The following SAMD3 variants were observed in gnomAD, a reference collection of about 807,000 sequenced individuals.
SAMD3 encodes the protein sterile alpha motif domain-containing protein 3.
Under a neutral mutation model 58.5 loss-of-function variants are expected in SAMD3, and 63 were observed. The ratio of observed to expected loss-of-function variants is 1.08; its 90% CI spans 0.88 to 1.33. The LOEUF (loss-of-function observed/expected upper bound fraction) is 1.33. Ranked by LOEUF, SAMD3 falls within the 40% of genes most tolerant of loss-of-function variation. The pLI is 0.00. For missense variants in SAMD3, 604 were observed against 608.4 expected, an observed-to-expected ratio of 0.99 and a Z score of 0.08; for synonymous variants, 220 against 210.3, an observed-to-expected ratio of 1.05 and a Z score of -0.40.
chr6:130,225,239 C>G (rs116765938), upstream of SAMD3, among the ~76,000 whole-genome samples: 6,586 of 152,252 alleles, frequency 0.043, 461 homozygotes, highest in African/African-American at 0.15. Context: ...CAAGTATTGC[C>G]AAGGAAGAAG....
chr6:130,233,824 C>A (rs943080987), intron 2 of SAMD3, among the ~76,000 whole-genome samples: 7 of 152,104 alleles, frequency 4.6e-5, no homozygotes, highest in African/African-American at 1.4e-4. Flanking sequence ...AAACTAGTTG[C>A]TTTTGCAATT....
At chr6:130,220,007 T>C (rs1270183532) in intron 1 of SAMD3, among the ~76,000 whole-genome samples, 1 of 152,208 alleles carries the variant, frequency 6.6e-6, no homozygotes, top group Admixed American at 6.5e-5. Flanking sequence ...TTTTTTTCTT[T>C]TTCTATTTTT....
chr6:130,355,284 C>T (rs1172471371), intron 1 of SAMD3, among the ~76,000 whole-genome samples: 1 of 152,102 alleles, frequency 6.6e-6, no homozygotes, highest in Non-Finnish European at 1.5e-5. Flanking sequence ...ATTAGCCGAG[C>T]ATGGTAGCAT....
downstream of SAMD3, chr6:130,143,208 C>T (rs1168195204): frequency 6.6e-6 from 1 of 152,118 alleles, no homozygotes; most frequent in African/African-American, 2.4e-5. Context: ...TAGTGTAAAA[C>T]TATTTCTTCA....
chr6:130,245,918 G>A (rs1562478604), intron 2 of SAMD3, among the ~76,000 whole-genome samples: 1 of 152,098 alleles, frequency 6.6e-6, no homozygotes, highest in Non-Finnish European at 1.5e-5. Flanking sequence ...GAAGGTAGGA[G>A]GATGGGAAAG....
rs1324118212 is a variant in SAMD3 at position 130,144,720 on chromosome 6, T to C, written c.1363A>G (p.Arg455Gly). 1.2e-6 allele frequency: 2 copies of C among 1,613,912 alleles called. No homozygotes were observed. The highest frequency in any genetic ancestry group is 1.7e-6 in the Non-Finnish European group (2 of 1,179,978). The change falls in exon 12 of 12, where the codon AGG (arginine) becomes GGG (glycine). Residue 455 changes from arginine (R) to glycine (G), a missense_variant. Physicochemically the swap from Arg to Gly is moderately radical, Grantham distance 125. Transcript: ENST00000439090. Reference protein sequence around the residue: ...CEFSLYLERERLTKVDDCVTA... With the variant: ...CEFSLYLEREGLTKVDDCVTA... ...ACACAGTCGTCCACCTTTGTGAGCC[T>C]CTCCCTTTCTAAATATAAAGAAAAT... is the stretch of plus-strand genomic sequence containing the variant.
intron 1 of SAMD3, among the ~76,000 whole-genome samples, chr6:130,335,243 A>G (rs1038585381): frequency 3.3e-5 from 5 of 152,202 alleles, no homozygotes; most frequent in South Asian, 2.1e-4. Flanking sequence ...CCAAAACCAG[A>G]AAACAATGTG....
rs1023135860 is a variant in SAMD3, at chr6:130,333,041, A to G, written c.-303-19948T>C. 1.3e-3 allele frequency among the ~76,000 whole-genome samples: 136 copies of G among 104,254 alleles called. 1 individual carries two copies. Among genetic ancestry groups the G allele is most frequent in the African/African-American group, 5.0e-3 (128 of 25,544 alleles). 68.4% of individuals were successfully genotyped at this position (104,254 alleles called of 152,430 possible). A position where few individuals can be genotyped will look rare whatever the true frequency, so the allele number is the denominator to read the frequency against. On this transcript the variant is annotated intron_variant, in intron 1 of 13. Coordinates refer to the SAMD3 transcript ENST00000368134. ...GTTCAAGACAGGGCCACAGTTGAGT[A>G]TGCGTGTGTGTGTGTGTGTGTGTGT...
chr6:130,304,916 C>CCTTT (rs1562510489), intron 2 of SAMD3, among the ~76,000 whole-genome samples: 2 of 138,722 alleles, frequency 1.4e-5, no homozygotes, highest in African/African-American at 5.3e-5. Context: ...ACTAAAATTA[C>CCTTT]ATTTTCTTCC....
rs1795847155 is a variant in SAMD3, at chr6:130,214,378, G to C, written c.228C>G (p.Pro76=). 1.2e-6 allele frequency: 2 copies of C among 1,608,522 alleles called. No individual in the cohort carries two copies. The highest frequency in any genetic ancestry group is 1.7e-6 in the Non-Finnish European group (2 of 1,177,520). Residue 76 remains proline (P), a synonymous_variant, in exon 4 of 12, where the codon CCC becomes CCG. Transcript: ENST00000439090. ...NTQGLKSPEN[P]KKAALVMQTE... ...TTTGCATGACCAGGGCTGCCTTTTTGGGGTTTTCTGGGGACTTCAGTCCTT... is the reference window on the plus strand; with the variant it reads ...TTTGCATGACCAGGGCTGCCTTTTTCGGGTTTTCTGGGGACTTCAGTCCTT...
chr6:130,312,218 G>A (rs1024562660), intron 2 of SAMD3, among the ~76,000 whole-genome samples: 4 of 152,322 alleles, frequency 2.6e-5, no homozygotes, highest in Middle Eastern at 3.4e-3. Context: ...TTGAGACTTC[G>A]TTTTGTGACT....
chr6:130,299,093 G>T (rs1294233209), intron 2 of SAMD3, among the ~76,000 whole-genome samples: 1 of 152,068 alleles, frequency 6.6e-6, no homozygotes, highest in African/African-American at 2.4e-5. Context: ...ACTTAAATTG[G>T]ACTCTTGACC....
chr6:130,314,922 C>G (rs1244794953), intron 1 of SAMD3, among the ~76,000 whole-genome samples: 2 of 152,144 alleles, frequency 1.3e-5, no homozygotes, highest in African/African-American at 4.8e-5. Context: ...TTTCTGAATA[C>G]CAGTACTTTA....
chr6:130,264,912 C>T (rs1490464583), intron 2 of SAMD3, among the ~76,000 whole-genome samples: 1 of 152,000 alleles, frequency 6.6e-6, no homozygotes. Context: ...CTGGCAAAGG[C>T]CAGTGGCCTA....
At chr6:130,212,785 C>T (rs1164712064) in intron 4 of SAMD3, among the ~76,000 whole-genome samples, 2 of 152,214 alleles carry the variant, frequency 1.3e-5, no homozygotes, top group Non-Finnish European at 2.9e-5. Context: ...CAAGATTCCA[C>T]TCAATGGAAG....
chr6:130,178,691 A>G (rs1049902655), intron 7 of SAMD3, among the ~76,000 whole-genome samples: 9 of 152,210 alleles, frequency 5.9e-5, no homozygotes, highest in African/African-American at 2.2e-4. Flanking sequence ...TCTTAATTTT[A>G]GTTTCTTCAA....
At chr6:130,360,502 G>A (rs1401950301) in intron 1 of SAMD3, among the ~76,000 whole-genome samples, 1 of 152,218 alleles carries the variant, frequency 6.6e-6, no homozygotes, top group South Asian at 2.1e-4. Flanking sequence ...AGAGGAGGGA[G>A]TGTACGAATA....
At chr6:130,347,929 T>C (rs149931679) in intron 1 of SAMD3, among the ~76,000 whole-genome samples, 1 of 152,140 alleles carries the variant, frequency 6.6e-6, no homozygotes, top group Non-Finnish European at 1.5e-5. Context: ...TATTCAACAT[T>C]CTTAAAGAAA....
chr6:130,233,640 T>A (rs1796606325), intron 2 of SAMD3, among the ~76,000 whole-genome samples: 1 of 152,214 alleles, frequency 6.6e-6, no homozygotes, highest in Non-Finnish European at 1.5e-5. Context: ...AGGTGATATT[T>A]GTTCTTTGGG....
Sources: allele counts gnomAD v4.1 joint callset (sites outside exome capture counted in the v4.1 genomes callset), GRCh38; gene constraint gnomAD v4.1.1; transcripts MANE v1.5; gene names NCBI Gene and HGNC (gene_info 2026-07-23, HGNC 2026-07-21).